The following WNT3A variants were observed in gnomAD, a reference collection of about 807,000 sequenced individuals.
The protein encoded by WNT3A is Wnt family member 3A.
A neutral mutation model predicts 37.0 loss-of-function variants in WNT3A; 17 were observed. The observed-to-expected ratio is 0.46, with a 90% CI of 0.31 to 0.69. The LOEUF is 0.69. WNT3A is among the 30% of genes least tolerant of loss of function. The pLI, the probability that WNT3A is intolerant of heterozygous loss-of-function variation, is 0.05. For synonymous variants in WNT3A, 187 were observed against 211.0 expected, an observed-to-expected ratio of 0.89 and a Z score of 0.99; for missense variants, 411 against 510.2, an observed-to-expected ratio of 0.81 and a Z score of 1.87.
In WNT3A at chr1:228,022,748, G is replaced by A; in HGVS notation, c.153G>A (p.Lys51=). The A allele has an allele frequency of 1.2e-6, 2 of 1,614,174 alleles. No homozygotes were observed. The highest frequency in any genetic ancestry group is 1.7e-6 in the Non-Finnish European group (2 of 1,180,038). Residue 51 remains lysine, a synonymous_variant, in exon 2 of 4, where the codon AAG becomes AAA. Transcript: ENST00000284523. The part of the protein sequence containing the change: ...LCASIPGLVP[K]QLRFCRNYVE... ...CCAGCATCCCGGGCCTGGTCCCCAA[G>A]CAGCTCCGCTTCTGCAGGAACTACG...
chr1:228,007,180 G>C lies in WNT3A; in HGVS notation c.52G>C (p.Gly18Arg). The C allele has an allele frequency of 6.2e-7, 1 of 1,604,962 alleles. No homozygotes were observed. Among genetic ancestry groups the C allele is most frequent in the Non-Finnish European group, 8.5e-7 (1 of 1,175,938 alleles). Residue 18 changes from glycine to arginine, a missense_variant, in exon 1 of 4, where the codon GGC (glycine) becomes CGC (arginine). Physicochemically the swap from Gly to Arg is moderately radical, Grantham distance 125 (BLOSUM62 -2). Coordinates refer to ENST00000284523, the MANE Select transcript of WNT3A (RefSeq NM_033131.4). The surrounding 1 kb of genome is among the most constrained non-coding windows in gnomAD (Gnocchi z 6.0). Reference sequence around the variant, plus strand: ...CCTCTGCAGCCTGAAGCAGGCTCTGGGCAGCTACCCGATCTGGTGGTGAGT... The same window carrying C: ...CCTCTGCAGCCTGAAGCAGGCTCTGCGCAGCTACCCGATCTGGTGGTGAGT... Reference protein sequence around the residue: ...LLLCSLKQALGSYPIWWSLAV... With the variant: ...LLLCSLKQALRSYPIWWSLAV...
Position 228,031,669 on chromosome 1 carries a change from T to A in WNT3A, c.313+8761T>A, listed in dbSNP as rs978080722. ...TTTGGTGGATACATGTGCCTGTGCATGGGTGTATGTGGATGTGCCTGTGCC... is the reference window on the plus strand; with the variant it reads ...TTTGGTGGATACATGTGCCTGTGCAAGGGTGTATGTGGATGTGCCTGTGCC... On this transcript the variant is annotated intron_variant, in intron 2 of 3. Coordinates refer to ENST00000284523, the MANE Select transcript of WNT3A (RefSeq NM_033131.4). This position sits in a 1 kb window ranked among gnomAD's most constrained non-coding sequence, Gnocchi z 4.8. Among the ~76,000 whole-genome samples the A allele has an allele frequency of 6.6e-6, 1 of 152,110 alleles. No individual in the cohort carries two copies. The highest frequency in any genetic ancestry group is 1.5e-5 in the Non-Finnish European group (1 of 68,012).
chr1:228,035,423 C>T (rs905928522), intron 2 of WNT3A, among the ~76,000 whole-genome samples: 1 of 152,178 alleles, frequency 6.6e-6, no homozygotes, highest in African/African-American at 2.4e-5. Context: ...GAGCAGAGCC[C>T]TCAGGCAGGC....
intron 1 of WNT3A, among the ~76,000 whole-genome samples, chr1:228,010,955 C>T (rs893992817): frequency 2.0e-5 from 3 of 152,224 alleles, no homozygotes; most frequent in African/African-American, 7.2e-5. Context: ...GAGCTCAGCC[C>T]CTCCTCCTAG....
At chr1:228,012,806 G>A (rs2030413251) in intron 1 of WNT3A, among the ~76,000 whole-genome samples, 1 of 152,144 alleles carries the variant, frequency 6.6e-6, no homozygotes, top group African/African-American at 2.4e-5. Flanking sequence ...GAGAGCCTGT[G>A]CCCCAAGTGG....
intron 1 of WNT3A, among the ~76,000 whole-genome samples, chr1:228,010,617 C>T (rs1250871933): frequency 2.0e-5 from 3 of 152,212 alleles, no homozygotes; most frequent in Admixed American, 1.3e-4. Flanking sequence ...TCCTTCTGCC[C>T]GGCCGTCACC....
rs764263691 is a variant in WNT3A at position 228,042,269 on chromosome 1, G to T, written c.314-8387G>T. Among the ~76,000 whole-genome samples the T allele has an allele frequency of 1.3e-5, 2 of 152,132 alleles. No individual in the cohort carries two copies. The highest frequency in any genetic ancestry group is 2.4e-5 in the African/African-American group (1 of 41,400). On this transcript the variant is annotated intron_variant, in intron 2 of 3. Transcript: ENST00000284523. This position sits in a 1 kb window ranked among gnomAD's most constrained non-coding sequence, Gnocchi z 5.2. Reference sequence around the variant, plus strand: ...TGGGATTACAGCTGTGAGCCACCGCGCCCAGCCTCTGGAGGATTTTTTTTA... The same window carrying T: ...TGGGATTACAGCTGTGAGCCACCGCTCCCAGCCTCTGGAGGATTTTTTTTA...
In WNT3A at chr1:228,050,789, C is replaced by T. The variant is rs1422166875; in HGVS notation, c.447C>T (p.Gly149=). 1 of 1,614,014 alleles carries T rather than the reference C, an allele frequency of 6.2e-7. No homozygotes were observed. The change falls in exon 3 of 4, where the codon GGC becomes GGT. Residue 149 remains glycine, a synonymous_variant. Transcript: ENST00000284523. This position sits in a 1 kb window ranked among gnomAD's most constrained non-coding sequence, Gnocchi z 5.0. ...GCCACCAGGGCTCACCAGGCAAGGG[C>T]TGGAAGTGGGGTGGCTGTAGCGAGG... ...SSRHQGSPGK[G]WKWGGCSEDI...
Position 228,007,222 on chromosome 1 carries a change from G to A in WNT3A, c.71+23G>A. ...GTGGTGAGTGAGCCTCCTCGCGTTC[G>A]CCCCTGCCCCTGTGCGCCGCGCCCG... On this transcript the variant is annotated intron_variant, in intron 1 of 3. Coordinates refer to ENST00000284523, the MANE Select transcript of WNT3A (RefSeq NM_033131.4). This position sits in a 1 kb window ranked among gnomAD's most constrained non-coding sequence, Gnocchi z 6.0. 6.3e-7 allele frequency: 1 copy of A among 1,590,192 alleles called. No individual in the cohort carries two copies. Among genetic ancestry groups the A allele is most frequent in the Non-Finnish European group, 8.6e-7 (1 of 1,168,908 alleles).
chr1:228,046,980 T>A (rs2102777663), intron 2 of WNT3A, among the ~76,000 whole-genome samples: 1 of 152,254 alleles, frequency 6.6e-6, no homozygotes, highest in African/African-American at 2.4e-5. Flanking sequence ...TAGGGGCCTC[T>A]TCATGGCGAG....
rs1409618698 is a variant in WNT3A, at chr1:228,059,869, G to A, written c.*404G>A. The A allele has an allele frequency of 9.4e-7, 1 of 1,062,160 alleles. No homozygotes were observed. The highest frequency in any genetic ancestry group is 1.1e-6 in the Non-Finnish European group (1 of 877,640). The allele number at this position is 1,062,160 out of a possible 1,614,324, so 65.8% of individuals were successfully genotyped here. A position where few individuals can be genotyped will look rare whatever the true frequency, so the allele number is the denominator to read the frequency against. On this transcript the variant is annotated 3_prime_UTR_variant, in exon 4 of 4. Coordinates refer to ENST00000284523, the MANE Select transcript of WNT3A (RefSeq NM_033131.4). ...CTCTGGGTGGGCGGGGCACTAGGTA[G>A]GCTTCTACCTGCAGGCGGGGCTCCT...
intron 3 of WNT3A, among the ~76,000 whole-genome samples, chr1:228,052,637 TG>T (rs1279160940): frequency 6.6e-6 from 1 of 152,188 alleles, no homozygotes; most frequent in Non-Finnish European, 1.5e-5. Flanking sequence ...TGACCTTGGC[TG>T]TAGAATCAGG....
rs1322855977 is a variant in WNT3A, at chr1:228,060,662, T to A, written c.*1197T>A. On this transcript the variant is annotated 3_prime_UTR_variant, in exon 4 of 4. Transcript: ENST00000284523. ...TCTGCTCTGCTCAGCTGCGCCCCCT[T>A]CTTTGCAGCTGCCCAGCCCCTCCTC... 1.2e-5 allele frequency: 2 copies of A among 168,588 alleles called. No homozygotes were observed. Among genetic ancestry groups the A allele is most frequent in the African/African-American group, 4.8e-5 (2 of 41,850 alleles). The allele number at this position is 168,588 out of a possible 1,614,324, so 10.4% of individuals were successfully genotyped here. A position where few individuals can be genotyped will look rare whatever the true frequency, so the allele number is the denominator to read the frequency against.
intron 1 of WNT3A, among the ~76,000 whole-genome samples, chr1:228,011,326 A>T (rs905302404): frequency 6.6e-6 from 1 of 151,944 alleles, no homozygotes; most frequent in African/African-American, 2.4e-5. Context: ...GATAGGAGGG[A>T]TGGTTGCCAC....
chr1:228,015,680 C>T (rs915527016), intron 1 of WNT3A, among the ~76,000 whole-genome samples: 17 of 152,096 alleles, frequency 1.1e-4, no homozygotes, highest in South Asian at 4.1e-4. Context: ...TAGGGAGTGA[C>T]GGATGGCAAG....
At chr1:228,009,031 C>G (rs1379239030) in intron 1 of WNT3A, among the ~76,000 whole-genome samples, 1 of 152,188 alleles carries the variant, frequency 6.6e-6, no homozygotes, top group Non-Finnish European at 1.5e-5. Flanking sequence ...GAGTCCAGGA[C>G]AGCCCTTTGG....
At position 228,037,652 on chromosome 1, in the gene WNT3A, GC is replaced by G. The variant is rs2031176443; in HGVS notation, c.314-13002del. Among the ~76,000 whole-genome samples, 1 of 152,182 alleles carries G rather than the reference GC, an allele frequency of 6.6e-6. No homozygotes were observed. ...CTGACCCCCCCCATCGGAAAGTGTT[GC>G]CGTTTAAGATGCGTTGGGGTGGGGG... On this transcript the variant is annotated intron_variant, in intron 2 of 3. Coordinates refer to ENST00000284523, the MANE Select transcript of WNT3A (RefSeq NM_033131.4). The surrounding 1 kb of genome is among the most constrained non-coding windows in gnomAD (Gnocchi z 4.1).
chr1:228,013,614 C>A (rs552058134), intron 1 of WNT3A, among the ~76,000 whole-genome samples: 62 of 152,284 alleles, frequency 4.1e-4, no homozygotes, highest in Admixed American at 2.1e-3. Context: ...TTGCCGACAC[C>A]CAGGAGGGAC....
intron 2 of WNT3A, among the ~76,000 whole-genome samples, chr1:228,030,982 C>G (rs531185637): frequency 6.6e-6 from 1 of 152,230 alleles, no homozygotes; most frequent in African/African-American, 2.4e-5. Context: ...GTGCACTGAC[C>G]AGGAGAGCTC....
Sources: allele counts gnomAD v4.1 joint callset (sites outside exome capture counted in the v4.1 genomes callset), GRCh38; gene constraint gnomAD v4.1.1; non-coding constraint Gnocchi (gnomAD v3.1); transcripts MANE v1.5; gene names NCBI Gene and HGNC (gene_info 2026-07-23, HGNC 2026-07-21).